CADM2: variants seen among roughly 807,000 people sequenced by gnomAD.
The protein encoded by CADM2 is immunoglobulin superfamily member 4D.
Under a neutral mutation model 49.8 loss-of-function variants are expected in CADM2, and 12 were observed. The ratio of observed to expected loss-of-function variants is 0.24; its 90% CI spans 0.15 to 0.39. The LOEUF (loss-of-function observed/expected upper bound fraction) is 0.39, where lower values mean the gene tolerates loss of function less well. Among genes scored for constraint, CADM2 ranks in the 10% least tolerant of loss-of-function variants. The pLI is 1.00. For synonymous variants in CADM2, 214 were observed against 175.4 expected (o/e 1.22, Z -1.74); for missense variants, 378 against 492.3 (o/e 0.77, Z 2.20).
At chr3:85,215,196 A>C (rs1325627616) in intron 1 of CADM2, among the ~76,000 whole-genome samples, 1 of 151,700 alleles carries the variant, frequency 6.6e-6, no homozygotes, top group Non-Finnish European at 1.5e-5. Context: ...CCAGGAAGGA[A>C]TCCTTCCCTT....
At chr3:85,597,112 G>A (rs1419635882) in intron 1 of CADM2, among the ~76,000 whole-genome samples, 1 of 151,988 alleles carries the variant, frequency 6.6e-6, no homozygotes, top group Non-Finnish European at 1.5e-5. Flanking sequence ...AAGGATTTCA[G>A]TAGTATATGT....
chr3:85,229,048 C>T (rs1283156032), intron 1 of CADM2, among the ~76,000 whole-genome samples: 5 of 152,166 alleles, frequency 3.3e-5, no homozygotes, highest in African/African-American at 9.6e-5. Context: ...GGCAGTTGGC[C>T]TTCCTGAGCT....
At chr3:85,354,440 A>G (rs577710685) in intron 1 of CADM2, among the ~76,000 whole-genome samples, 1 of 151,682 alleles carries the variant, frequency 6.6e-6, no homozygotes, top group East Asian at 2.0e-4. Context: ...CCAACATGGC[A>G]CATGTATACA....
chr3:85,875,290 T>A (rs944585916), intron 3 of CADM2, among the ~76,000 whole-genome samples: 4 of 152,114 alleles, frequency 2.6e-5, no homozygotes, highest in Admixed American at 2.0e-4. Flanking sequence ...ACATACTGAT[T>A]TTAATATATC....
At chr3:85,638,907 G>GT (rs2064610664) in intron 1 of CADM2, among the ~76,000 whole-genome samples, 1 of 152,122 alleles carries the variant, frequency 6.6e-6, no homozygotes, top group Non-Finnish European at 1.5e-5. Context: ...ACTTAGAAAG[G>GT]TTTTTTCTGT....
At chr3:85,919,915 T>C (rs34332396) in intron 6 of CADM2, among the ~76,000 whole-genome samples, 5,465 of 152,000 alleles carry the variant, frequency 0.036, 131 homozygotes, top group Non-Finnish European at 0.05. Flanking sequence ...AATTCAGTTG[T>C]TCGTATCTTC....
chr3:85,719,932 TA>T (rs148924305), intron 1 of CADM2, among the ~76,000 whole-genome samples: 29 of 146,306 alleles, frequency 2.0e-4, no homozygotes, highest in Admixed American at 1.2e-3. Context: ...TTTAATTTTG[TA>T]AAAAAAAAAC....
chr3:85,326,047 A>G (rs759692980), intron 1 of CADM2, among the ~76,000 whole-genome samples: 4 of 152,232 alleles, frequency 2.6e-5, no homozygotes, highest in Non-Finnish European at 5.9e-5. Context: ...AAGTGTAAGT[A>G]GGAATGATAC....
At chr3:85,579,807 G>A (rs1382960784) in intron 1 of CADM2, among the ~76,000 whole-genome samples, 1 of 151,948 alleles carries the variant, frequency 6.6e-6, no homozygotes, top group Non-Finnish European at 1.5e-5. Context: ...TAGATATATA[G>A]ATTCATATAA....
At chr3:85,321,092 A>G (rs1345525603) in intron 1 of CADM2, among the ~76,000 whole-genome samples, 1 of 22,268 alleles carries the variant, frequency 4.5e-5, no homozygotes, top group South Asian at 1.3e-3. Context: ...AGATATATAC[A>G]TATATATATA....
At chr3:85,446,991 CATAT>C (rs141177883) in intron 1 of CADM2, among the ~76,000 whole-genome samples, 4,268 of 54,470 alleles carry the variant, frequency 0.078, 137 homozygotes, top group Non-Finnish European at 0.099. Context: ...ATATGTATTG[CATAT>C]ATATATATAT....
At chr3:85,635,164 TTTC>T (rs985198430) in intron 1 of CADM2, among the ~76,000 whole-genome samples, 2 of 152,128 alleles carry the variant, frequency 1.3e-5, no homozygotes, top group African/African-American at 4.8e-5. Flanking sequence ...CATTGCTATA[TTTC>T]TTCTTGTTTT....
At chr3:85,697,662 A>G (rs200619185) in intron 1 of CADM2, among the ~76,000 whole-genome samples, 3 of 152,178 alleles carry the variant, frequency 2.0e-5, no homozygotes, top group East Asian at 1.9e-4. Flanking sequence ...CCTTTCTCTA[A>G]TGGCATAAAA....
Position 85,562,987 on chromosome 3 carries a change from G to A in CADM2, c.62-163535G>A, listed in dbSNP as rs147279464. ...TAAGTTTTCTTGAAATGTGATCACA[G>A]CACCATACTGTAACATTTGGTGTCT... On this transcript the variant is annotated intron_variant, in intron 1 of 9. Coordinates refer to ENST00000383699, the MANE Select transcript of CADM2 (RefSeq NM_001167675.2). 4.5e-4 allele frequency among the ~76,000 whole-genome samples: 68 copies of A among 152,250 alleles called. 3 individuals carry two copies. In the East Asian group the frequency reaches 0.012, roughly 27 times the overall value.
chr3:85,318,646 A>G (rs2044528252), intron 1 of CADM2, among the ~76,000 whole-genome samples: 2 of 152,308 alleles, frequency 1.3e-5, no homozygotes, highest in South Asian at 2.1e-4. Flanking sequence ...CACTTCACAT[A>G]TGAATATTTT....
At chr3:86,053,897 G>A (rs933773787) in intron 8 of CADM2, among the ~76,000 whole-genome samples, 3 of 151,838 alleles carry the variant, frequency 2.0e-5, no homozygotes, top group Admixed American at 6.6e-5. Flanking sequence ...GACAAGTATT[G>A]TACTAAAACT....
intron 1 of CADM2, among the ~76,000 whole-genome samples, chr3:85,428,371 T>C (rs1222407617): frequency 6.9e-6 from 1 of 145,394 alleles, no homozygotes; most frequent in Non-Finnish European, 1.5e-5. Context: ...TTATATATAA[T>C]ATATATTATA....
chr3:85,129,362 ATTTAC>A (rs1198856853), intron 1 of CADM2, among the ~76,000 whole-genome samples: 2 of 151,932 alleles, frequency 1.3e-5, no homozygotes, highest in Non-Finnish European at 1.5e-5. Flanking sequence ...ATCTCTTTTT[ATTTAC>A]TTTATTTTAA....
At chr3:84,968,173 C>T (rs2031154857) in intron 1 of CADM2, among the ~76,000 whole-genome samples, 1 of 151,824 alleles carries the variant, frequency 6.6e-6, no homozygotes, top group African/African-American at 2.4e-5. Context: ...CTCTCCAGCC[C>T]TTCTGTATAC....
Sources: allele counts gnomAD v4.1 joint callset (sites outside exome capture counted in the v4.1 genomes callset), GRCh38; gene constraint gnomAD v4.1.1; transcripts MANE v1.5; gene names NCBI Gene and HGNC (gene_info 2026-07-23, HGNC 2026-07-21).